The following CRACD variants were observed in gnomAD, a reference collection of about 807,000 sequenced individuals.
The protein encoded by CRACD is capping protein-inhibiting regulator of actin dynamics.
A neutral mutation model predicts 106.8 loss-of-function variants in CRACD; 56 were observed. The observed-to-expected ratio is 0.52, with a 90% CI of 0.42 to 0.66. The LOEUF is 0.66. Ranked by LOEUF, CRACD falls within the 30% of genes least tolerant of loss-of-function variation. The probability of loss-of-function intolerance (pLI) is 0.00; values close to 1 mark genes in which losing one functional copy is unlikely to be tolerated. For synonymous variants in CRACD, 754 were observed against 670.8 expected (o/e 1.12, Z -1.92); for missense variants, 1,730 against 1,623.2 (o/e 1.07, Z -1.13).
intron 2 of CRACD, among the ~76,000 whole-genome samples, chr4:56,231,672 T>A (rs944115857): frequency 6.6e-6 from 1 of 152,210 alleles, no homozygotes; most frequent in African/African-American, 2.4e-5. Flanking sequence ...ACAAGCCAGA[T>A]ACAAAAGAGT....
At position 56,330,238 on chromosome 4, in the gene CRACD, T is replaced by G. The variant is rs1482170268; in HGVS notation, c.*2434T>G. ...AAACATACACTTCTCCTGGCAAGGT[T>G]ATAGATGATTAACCTCTGTTCATAG... On this transcript the variant is annotated 3_prime_UTR_variant, in exon 11 of 11. Coordinates refer to ENST00000682029, the MANE Select transcript of CRACD (RefSeq NM_001393381.1). Among the ~76,000 whole-genome samples, 2 of 152,040 alleles carry G rather than the reference T, an allele frequency of 1.3e-5. No individual in the cohort carries two copies. Among genetic ancestry groups the G allele is most frequent in the African/African-American group, 2.4e-5 (1 of 41,408 alleles).
At chr4:56,205,591 G>A (rs1738086135) in intron 2 of CRACD, among the ~76,000 whole-genome samples, 1 of 152,036 alleles carries the variant, frequency 6.6e-6, no homozygotes, top group Non-Finnish European at 1.5e-5. Context: ...AAGGCTGAGA[G>A]TTGAGACCAG....
chr4:56,234,534 G>A (rs6840573), intron 2 of CRACD, among the ~76,000 whole-genome samples: 36,575 of 152,064 alleles, frequency 0.24, 4,519 homozygotes, highest in Non-Finnish European at 0.27. Context: ...TAACACTGCT[G>A]TGAACATTGT....
At chr4:56,165,608 A>G (rs999817613) in intron 1 of CRACD, among the ~76,000 whole-genome samples, 6 of 152,212 alleles carry the variant, frequency 3.9e-5, no homozygotes, top group Non-Finnish European at 8.8e-5. Flanking sequence ...TAAGAGACCC[A>G]GAATCTCAGT....
intron 2 of CRACD, among the ~76,000 whole-genome samples, chr4:56,211,530 C>G (rs1012003846): frequency 2.0e-5 from 3 of 152,146 alleles, no homozygotes; most frequent in Non-Finnish European, 2.9e-5. Flanking sequence ...AATGAGTATA[C>G]GCTGACAATT....
intron 2 of CRACD, among the ~76,000 whole-genome samples, chr4:56,209,227 T>C (rs1738280584): frequency 6.6e-6 from 1 of 152,172 alleles, no homozygotes; most frequent in African/African-American, 2.4e-5. Context: ...TTTTCAACTT[T>C]TTATATTTTA....
chr4:56,295,995 T>C (rs1744004158), intron 3 of CRACD, among the ~76,000 whole-genome samples: 1 of 152,162 alleles, frequency 6.6e-6, no homozygotes, highest in Admixed American at 6.5e-5. Context: ...ATTGCTGCTA[T>C]ATGGTGCCCT....
At chr4:56,158,671 CAGAG>C (rs1283814862) in intron 1 of CRACD, among the ~76,000 whole-genome samples, 1 of 152,154 alleles carries the variant, frequency 6.6e-6, no homozygotes, top group African/African-American at 2.4e-5. Flanking sequence ...TATGTCAACA[CAGAG>C]AGGAGAATGT....
At chr4:56,323,018 C>T (rs895292536) in intron 8 of CRACD, among the ~76,000 whole-genome samples, 2 of 152,166 alleles carry the variant, frequency 1.3e-5, no homozygotes, top group African/African-American at 4.8e-5. Flanking sequence ...CAGTTCAAAA[C>T]TCTGTCAAAC....
chr4:56,087,711 C>T (rs888542847), intron 1 of CRACD, among the ~76,000 whole-genome samples: 2 of 152,316 alleles, frequency 1.3e-5, no homozygotes, highest in African/African-American at 4.8e-5. Flanking sequence ...GTTCAATGCC[C>T]ACAGACATCA....
chr4:56,219,414 C>T (rs1738912706), intron 2 of CRACD, among the ~76,000 whole-genome samples: 1 of 152,182 alleles, frequency 6.6e-6, no homozygotes, highest in Non-Finnish European at 1.5e-5. Flanking sequence ...GTGGTGTGAT[C>T]TCAGCTCACT....
intron 1 of CRACD, among the ~76,000 whole-genome samples, chr4:56,171,456 CAG>C (rs1276154815): frequency 1.3e-5 from 2 of 152,074 alleles, no homozygotes; most frequent in East Asian, 3.9e-4. Context: ...GGCTGTAGAT[CAG>C]AGACTGGTGG....
chr4:56,204,289 T>C (rs1738021748), intron 2 of CRACD, among the ~76,000 whole-genome samples: 1 of 152,212 alleles, frequency 6.6e-6, no homozygotes, highest in Non-Finnish European at 1.5e-5. Flanking sequence ...GGTGTCTTGG[T>C]CCATCTTGTG....
At chr4:56,079,591 A>G (rs1314455861) in intron 1 of CRACD, among the ~76,000 whole-genome samples, 1 of 151,720 alleles carries the variant, frequency 6.6e-6, no homozygotes. Flanking sequence ...GACTACAGGT[A>G]TGTGCCATCA....
intron 2 of CRACD, among the ~76,000 whole-genome samples, chr4:56,224,429 CTAAA>C (rs1378748387): frequency 6.6e-6 from 1 of 152,160 alleles, no homozygotes; most frequent in Non-Finnish European, 1.5e-5. Flanking sequence ...ATCAGGCTTA[CTAAA>C]TTTTCTTGTG....
At chr4:56,269,632 C>A (rs1167008514) in intron 2 of CRACD, among the ~76,000 whole-genome samples, 1 of 147,200 alleles carries the variant, frequency 6.8e-6, no homozygotes, top group Non-Finnish European at 1.5e-5. Context: ...GTGGCATGAT[C>A]TCTGCTCACT....
At chr4:56,312,383 G>A (rs1265232563) in intron 6 of CRACD, among the ~76,000 whole-genome samples, 3 of 152,050 alleles carry the variant, frequency 2.0e-5, no homozygotes, top group East Asian at 1.9e-4. Flanking sequence ...GACTGGTCTC[G>A]AACTCCTGGC....
chr4:56,298,355 A>T lies in CRACD; in HGVS notation c.120+6A>T, dbSNP rs1268919808. On this transcript the variant is annotated splice_donor_region_variant and intron_variant, in intron 4 of 10. Coordinates refer to ENST00000682029, the MANE Select transcript of CRACD (RefSeq NM_001393381.1). ...GCAAAGTCAAAACTCTTCAGGTAAG[A>T]CAGCTTGAGAGTGGAATTACGAGCC... is the stretch of plus-strand genomic sequence containing the variant. 1 of 1,613,726 alleles carries T rather than the reference A, an allele frequency of 6.2e-7. No individual in the cohort carries two copies.
At chr4:56,128,061 G>T (rs921899801) in intron 1 of CRACD, among the ~76,000 whole-genome samples, 1 of 152,074 alleles carries the variant, frequency 6.6e-6, no homozygotes, top group African/African-American at 2.4e-5. Context: ...ACTAGAATTT[G>T]AGCGAAATAA....
Sources: allele counts gnomAD v4.1 joint callset (sites outside exome capture counted in the v4.1 genomes callset), GRCh38; gene constraint gnomAD v4.1.1; transcripts MANE v1.5; gene names NCBI Gene and HGNC (gene_info 2026-07-23, HGNC 2026-07-21).